Variants in CEP85L observed in about 807,000 individuals in gnomAD.
CEP85L encodes the protein centrosomal protein 85L, also known as centrosomal protein of 85 kDa-like.
CEP85L carries 60 observed loss-of-function variants against 100.3 expected under a neutral mutation model. That is an observed-to-expected ratio of 0.60 (90% CI 0.49 to 0.74). CEP85L has a LOEUF of 0.74. Among genes scored for constraint, CEP85L ranks in the 30% least tolerant of loss-of-function variants. The pLI is 0.00. For missense variants in CEP85L, 973 were observed against 936.2 expected, an observed-to-expected ratio of 1.04 and a Z score of -0.51; for synonymous variants, 319 against 322.7, an observed-to-expected ratio of 0.99 and a Z score of 0.12.
At chr6:118,526,023 A>C (rs1776941731) in intron 3 of CEP85L, among the ~76,000 whole-genome samples, 1 of 152,226 alleles carries the variant, frequency 6.6e-6, no homozygotes. Flanking sequence ...TTCATGCAGG[A>C]GACAGGATAG....
chr6:118,591,887 T>A (rs1268252010), intron 2 of CEP85L, among the ~76,000 whole-genome samples: 1 of 152,210 alleles, frequency 6.6e-6, no homozygotes, highest in African/African-American at 2.4e-5. Context: ...GATTCAAATA[T>A]TTAATTTTCA....
chr6:118,635,573 A>T (rs893545274), intron 1 of CEP85L, among the ~76,000 whole-genome samples: 2 of 152,344 alleles, frequency 1.3e-5, no homozygotes, highest in East Asian at 3.9e-4. Context: ...TTTGCAGATT[A>T]CATCAACATT....
intron 11 of CEP85L, among the ~76,000 whole-genome samples, 155 bp from the exon 12 acceptor site, chr6:118,469,458 A>G (rs190588573): frequency 1.3e-5 from 2 of 152,148 alleles, no homozygotes; most frequent in South Asian, 2.1e-4. Flanking sequence ...ATGCAGTGGG[A>G]AAAAAAACAC....
intron 1 of CEP85L, among the ~76,000 whole-genome samples, chr6:118,688,383 CTTTG>C (rs889597670): frequency 3.3e-5 from 5 of 152,082 alleles, no homozygotes; most frequent in African/African-American, 9.7e-5. Flanking sequence ...GGGGCAGGTA[CTTTG>C]TTTATCTTTT....
intron 2 of CEP85L, among the ~76,000 whole-genome samples, chr6:118,612,690 G>T (rs1772725091): frequency 1.4e-5 from 1 of 69,870 alleles, no homozygotes; most frequent in African/African-American, 5.0e-5. Context: ...GGGGGGGGGG[G>T]GGGACTCTCA....
intron 4 of CEP85L, among the ~76,000 whole-genome samples, chr6:118,515,130 G>T (rs1037242918): frequency 3.9e-5 from 6 of 151,918 alleles, no homozygotes; most frequent in Admixed American, 6.6e-5. Flanking sequence ...TTAGAGCAGA[G>T]AATATTGCCA....
intron 1 of CEP85L, among the ~76,000 whole-genome samples, chr6:118,648,387 C>A (rs12215565): frequency 0.029 from 4,399 of 152,256 alleles, 106 homozygotes; most frequent in African/African-American, 0.056. Context: ...TCAAACTACA[C>A]TTATTATTCC....
intron 1 of CEP85L, among the ~76,000 whole-genome samples, chr6:118,670,415 T>G (rs1776265094): frequency 6.6e-6 from 1 of 151,436 alleles, no homozygotes; most frequent in Admixed American, 6.6e-5. Context: ...TGGTGTCTGT[T>G]TTCTCTTCTT....
chr6:118,613,254 C>T (rs1772775080), intron 2 of CEP85L, among the ~76,000 whole-genome samples: 1 of 151,924 alleles, frequency 6.6e-6, no homozygotes, highest in Non-Finnish European at 1.5e-5. Context: ...AAACAGGAGA[C>T]ATCACCACAT....
intron 12 of CEP85L, among the ~76,000 whole-genome samples, chr6:118,467,711 T>C (rs1772634008): frequency 6.6e-6 from 1 of 152,162 alleles, no homozygotes; most frequent in African/African-American, 2.4e-5. Flanking sequence ...GGTGACCAAC[T>C]CTAAAATCAT....
At chr6:118,667,475 C>T (rs189676557) in intron 1 of CEP85L, among the ~76,000 whole-genome samples, 2 of 152,270 alleles carry the variant, frequency 1.3e-5, no homozygotes, top group Non-Finnish European at 2.9e-5. Context: ...TAGACATGAA[C>T]TAAATCAGTG....
At chr6:118,528,761 G>C (rs1204706486) in intron 3 of CEP85L, among the ~76,000 whole-genome samples, 1 of 152,068 alleles carries the variant, frequency 6.6e-6, no homozygotes, top group Non-Finnish European at 1.5e-5. Context: ...AATGAAGCCA[G>C]CATCTATACT....
intron 2 of CEP85L, among the ~76,000 whole-genome samples, chr6:118,569,060 G>A (rs1779714757): frequency 6.6e-6 from 1 of 151,912 alleles, no homozygotes; most frequent in African/African-American, 2.4e-5. Flanking sequence ...AAAATATAGG[G>A]CTGGGGGCAG....
intron 3 of CEP85L, among the ~76,000 whole-genome samples, chr6:118,550,136 GTACTTGCTT>G (rs1414518659): frequency 4.0e-5 from 6 of 151,870 alleles, no homozygotes; most frequent in Non-Finnish European, 7.4e-5. Flanking sequence ...AAGAGCCAGA[GTACTTGCTT>G]TACTAAAAGG....
intron 1 of CEP85L, among the ~76,000 whole-genome samples, chr6:118,700,865 TAGTA>T (rs1433215299): frequency 6.6e-6 from 1 of 152,184 alleles, no homozygotes; most frequent in Non-Finnish European, 1.5e-5. Context: ...TTATGTAACA[TAGTA>T]AGGATTCTGA....
rs536538451 is a variant in CEP85L at position 118,483,731 on chromosome 6, T to C, written c.1565A>G (p.Asp522Gly). Residue 522 changes from aspartate (D) to glycine (G), a missense_variant, in exon 7 of 13, where the codon GAT becomes GGT. Transcript: ENST00000368491. ...EKYLADLPTL[D>G]DVQSQSLQLQ... ...CTGTAGACTCTGACTCTGTACATCA[T>C]CTAGAGTTGGAAGATCAGCCAGATA... The C allele has an allele frequency of 1.7e-5, 28 of 1,613,606 alleles. No homozygotes were observed. The highest frequency in any genetic ancestry group is 8.3e-5 in the Admixed American group (5 of 59,968).
At chr6:118,647,750 A>G (rs1775295813) in intron 1 of CEP85L, among the ~76,000 whole-genome samples, 1 of 152,238 alleles carries the variant, frequency 6.6e-6, no homozygotes, top group African/African-American at 2.4e-5. Context: ...TCACTTTATC[A>G]TGCTTGATTT....
intron 6 of CEP85L, among the ~76,000 whole-genome samples, chr6:118,486,086 T>A (rs1008227737): frequency 6.6e-6 from 1 of 152,232 alleles, no homozygotes; most frequent in African/African-American, 2.4e-5. Flanking sequence ...AGACACTGTC[T>A]CTGTTATTTG....
intron 12 of CEP85L, among the ~76,000 whole-genome samples, chr6:118,465,840 GA>G (rs112262107): frequency 6.6e-6 from 1 of 152,008 alleles, no homozygotes; most frequent in East Asian, 1.9e-4. Flanking sequence ...TTCCAAAAGT[GA>G]AAAAAAGCAT....
Sources: allele counts gnomAD v4.1 joint callset (sites outside exome capture counted in the v4.1 genomes callset), GRCh38; gene constraint gnomAD v4.1.1; transcripts MANE v1.5; gene names NCBI Gene and HGNC (gene_info 2026-07-23, HGNC 2026-07-21).